The following ZDHHC24 variants were observed in gnomAD, a reference collection of about 807,000 sequenced individuals.
ZDHHC24 encodes the protein probable palmitoyltransferase ZDHHC24.
In ZDHHC24, 17 loss-of-function variants were observed where a neutral mutation model predicts 23.2. The observed-to-expected ratio is 0.73, with a 90% CI of 0.50 to 1.10. The LOEUF is 1.10. Ranked by LOEUF, ZDHHC24 falls within the 50% of genes least tolerant of loss-of-function variation. The pLI, the probability that ZDHHC24 is intolerant of heterozygous loss-of-function variation, is 0.00. For synonymous variants in ZDHHC24, 186 were observed against 194.5 expected (o/e 0.96, Z 0.36); for missense variants, 366 against 393.0 (o/e 0.93, Z 0.58).
intron 2 of ZDHHC24, 84 bp from the exon 3 acceptor site, chr11:66,539,908 G>GGCTCAT (rs1257486120): frequency 7.5e-7 from 1 of 1,335,536 alleles, no homozygotes; most frequent in African/African-American, 1.5e-5. Flanking sequence ...CACAAAGCAG[G>GGCTCAT]GCTCATTCCT....
chr11:66,537,798 G>GT lies in ZDHHC24; in HGVS notation c.*1730_*1731insA, dbSNP rs1857019877. On this transcript the variant is annotated 3_prime_UTR_variant, in exon 3 of 3. Transcript: ENST00000310442. ...AAAAAATTAGCTTGGCGTGGTGGCAGGCACCTGTAGTCCCAGCTACTTGAG... is the reference window on the plus strand; with the variant it reads ...AAAAAATTAGCTTGGCGTGGTGGCAGTGCACCTGTAGTCCCAGCTACTTGAG... 1 of 151,598 alleles carries GT rather than the reference G, an allele frequency of 6.6e-6. No individual in the cohort carries two copies. Among genetic ancestry groups the GT allele is most frequent in the Non-Finnish European group, 1.5e-5 (1 of 67,772 alleles). 9.4% of individuals were successfully genotyped at this position (151,598 alleles called of 1,614,324 possible).
downstream of ZDHHC24, chr11:66,532,326 C>T: frequency 1.0e-5 from 5 of 489,550 alleles, no homozygotes; most frequent in South Asian, 9.4e-5. Context: ...GGGCTCAGAT[C>T]AGAGCTCCGA....
At chr11:66,544,510 C>T (rs1169361677) in intron 1 of ZDHHC24, among the ~76,000 whole-genome samples, 2 of 152,276 alleles carry the variant, frequency 1.3e-5, no homozygotes, top group East Asian at 3.9e-4. Context: ...CCACACTGGC[C>T]TTCTTGCTGT....
At position 66,526,137 on chromosome 11, in the gene ZDHHC24, C is replaced by G. The variant is rs1565287512; in HGVS notation, c.*21+799G>C. 1 of 1,614,232 alleles carries G rather than the reference C, an allele frequency of 6.2e-7. No individual in the cohort carries two copies. The highest frequency in any genetic ancestry group is 1.1e-5 in the South Asian group (1 of 91,090). On this transcript the variant is annotated intron_variant, in intron 4 of 4. Coordinates refer to the ZDHHC24 transcript ENST00000526986. Reference sequence around the variant, plus strand: ...TCTCCACATAGGATGCAGTGACCAGCCTTTGCTTTGGCCGGTACGGGCGGG... The same window carrying G: ...TCTCCACATAGGATGCAGTGACCAGGCTTTGCTTTGGCCGGTACGGGCGGG...
chr11:66,522,293 A>G (rs917282243), intron 4 of ZDHHC24, among the ~76,000 whole-genome samples: 3 of 151,928 alleles, frequency 2.0e-5, no homozygotes, highest in African/African-American at 7.2e-5. Flanking sequence ...GGTACATGAC[A>G]TGACACTTGT....
chr11:66,529,627 A>G (rs1856677533), intron 2 of ZDHHC24: 3 of 722,046 alleles, frequency 4.2e-6, no homozygotes, highest in Non-Finnish European at 7.2e-6. Flanking sequence ...GAGAAGAGGC[A>G]GGGCGAGGCC....
intron 4 of ZDHHC24, chr11:66,525,996 G>A (rs900207484): frequency 1.3e-6 from 1 of 774,656 alleles, no homozygotes; most frequent in African/African-American, 1.7e-5. Flanking sequence ...TATTTCAGAG[G>A]CAGCGATTCC....
chr11:66,521,651 A>G (rs1565284686), intron 4 of ZDHHC24: 2 of 426,802 alleles, frequency 4.7e-6, no homozygotes, highest in Non-Finnish European at 8.8e-6. Context: ...CACGCCTGTA[A>G]TCCCAGCACT....
chr11:66,526,919 CTAGGTAGG>C (rs1856537034), intron 4 of ZDHHC24: 1 of 1,604,524 alleles, frequency 6.2e-7, no homozygotes, highest in East Asian at 2.2e-5. Flanking sequence ...TCTCGGCCAA[CTAGGTAGG>C]TCACTCACCT....
intron 2 of ZDHHC24, among the ~76,000 whole-genome samples, chr11:66,540,758 G>A (rs978433289): frequency 6.6e-5 from 10 of 151,716 alleles, no homozygotes; most frequent in South Asian, 6.3e-4. Flanking sequence ...AATGTGTGCC[G>A]CCACAGAAAA....
chr11:66,521,068 G>A (rs1418036910), downstream of ZDHHC24: 13 of 615,758 alleles, frequency 2.1e-5, no homozygotes, highest in South Asian at 1.8e-4. Flanking sequence ...AAGTGGCATC[G>A]TTTAGTCAAA....
At chr11:66,525,224 G>A (rs1244432543) in intron 4 of ZDHHC24, among the ~76,000 whole-genome samples, 1 of 141,750 alleles carries the variant, frequency 7.1e-6, no homozygotes, top group Non-Finnish European at 1.5e-5. Flanking sequence ...AGCCGGGTGT[G>A]ATGGCACACC....
At chr11:66,523,170 A>C in intron 4 of ZDHHC24, 1 of 548,154 alleles carries the variant, frequency 1.8e-6, no homozygotes, top group Non-Finnish European at 3.5e-6. Context: ...GTTAAATGCT[A>C]GATGATCATA....
At chr11:66,543,158 T>C (rs899735166) in intron 2 of ZDHHC24, among the ~76,000 whole-genome samples, 3 of 152,132 alleles carry the variant, frequency 2.0e-5, no homozygotes. Flanking sequence ...GAGGAACATA[T>C]GTGTCGTCTA....
rs530869450 is a variant in ZDHHC24, at chr11:66,523,298, A to G, written c.*22-1832T>C. On this transcript the variant is annotated intron_variant, in intron 4 of 4. Coordinates refer to the ZDHHC24 transcript ENST00000526986. Reference sequence around the variant, plus strand: ...CACTTGATGTTTTCCAAGGCCACACATTTACTAAGGTGGCAGAAGTGGAAA... The same window carrying G: ...CACTTGATGTTTTCCAAGGCCACACGTTTACTAAGGTGGCAGAAGTGGAAA... 58 of 1,022,522 alleles carry G rather than the reference A, an allele frequency of 5.7e-5. No homozygotes were observed. The African/African-American group carries it at 8.7e-4, about 15-fold the overall frequency. The allele number at this position is 1,022,522 out of a possible 1,614,324, so 63.3% of individuals were successfully genotyped here.
chr11:66,539,954 AGCCC>A, intron 2 of ZDHHC24, 130 bp from the exon 3 acceptor site: 1 of 946,282 alleles, frequency 1.1e-6, no homozygotes. Flanking sequence ...CTCGCTGGCC[AGCCC>A]GTGCTGGGTG....
At chr11:66,540,153 C>T (rs1388591378) in intron 2 of ZDHHC24, among the ~76,000 whole-genome samples, 1 of 152,130 alleles carries the variant, frequency 6.6e-6, no homozygotes, top group Non-Finnish European at 1.5e-5. Context: ...TGCGGTGGCT[C>T]ACACCTGTAA....
rs1177983884 is a variant in ZDHHC24, at chr11:66,545,040, GTATT to G, written c.281+679_281+682del. ...GAGAATTTACCACCTGTTTATTTAT[GTATT>G]TATTTATTTGAGACGGAGGGAGTCT... On this transcript the variant is annotated intron_variant, in intron 1 of 2. Coordinates refer to ENST00000310442, the MANE Select transcript of ZDHHC24 (RefSeq NM_207340.3). The surrounding 1 kb of genome is among the most constrained non-coding windows in gnomAD (Gnocchi z 4.5). Among the ~76,000 whole-genome samples, 1 of 151,924 alleles carries G rather than the reference GTATT, an allele frequency of 6.6e-6. No homozygotes were observed. Among genetic ancestry groups the G allele is most frequent in the Non-Finnish European group, 1.5e-5 (1 of 67,972 alleles).
In ZDHHC24 at chr11:66,539,350, C is replaced by T; in HGVS notation, c.*179G>A. The stretch of plus-strand genomic sequence containing the variant: ...CAGACCCTCCTCTGCACTCCTCTGC[C>T]TAAGTCACGGCCCAAGCCCTGGACA... On this transcript the variant is annotated 3_prime_UTR_variant, in exon 3 of 3. Transcript: ENST00000310442. The T allele has an allele frequency of 7.5e-7, 1 of 1,332,762 alleles. No individual in the cohort carries two copies. Among genetic ancestry groups the T allele is most frequent in the Non-Finnish European group, 9.6e-7 (1 of 1,045,448 alleles). 82.6% of individuals were successfully genotyped at this position (1,332,762 alleles called of 1,614,324 possible).
Sources: allele counts gnomAD v4.1 joint callset (sites outside exome capture counted in the v4.1 genomes callset), GRCh38; gene constraint gnomAD v4.1.1; non-coding constraint Gnocchi (gnomAD v3.1); transcripts MANE v1.5; gene names NCBI Gene and HGNC (gene_info 2026-07-23, HGNC 2026-07-21).